Variants in AP4S1 observed in about 807,000 individuals in gnomAD.
AP4S1 encodes the protein adaptor related protein complex 4 subunit sigma 1.
In AP4S1, 23 loss-of-function variants were observed where a neutral mutation model predicts 19.8. That is an observed-to-expected ratio of 1.16 (90% CI 0.84 to 1.65). The LOEUF (loss-of-function observed/expected upper bound fraction) is 1.65, where lower values mean the gene tolerates loss of function less well. Among genes scored for constraint, AP4S1 ranks in the 40% most tolerant of loss-of-function variants. The pLI is 0.00. For synonymous variants in AP4S1, 46 were observed against 54.1 expected (o/e 0.85, Z 0.66); for missense variants, 166 against 172.8 (o/e 0.96, Z 0.22).
intron 4 of AP4S1, among the ~76,000 whole-genome samples, chr14:31,076,538 A>C (rs1468014450): frequency 6.6e-6 from 1 of 152,172 alleles, no homozygotes; most frequent in Non-Finnish European, 1.5e-5. Flanking sequence ...GAGTTGCAGG[A>C]GTTCTTTATA....
chr14:31,074,672 C>CAAAT (rs1022938768), intron 4 of AP4S1, among the ~76,000 whole-genome samples: 6 of 151,948 alleles, frequency 3.9e-5, no homozygotes, highest in South Asian at 2.1e-4. Context: ...GACTCCGTCT[C>CAAAT]AAATAAATAA....
intron 5 of AP4S1, chr14:31,085,121 C>T: frequency 7.6e-7 from 1 of 1,316,956 alleles, no homozygotes; most frequent in Non-Finnish European, 9.7e-7. Flanking sequence ...CTAGAAGGCC[C>T]ATTCTATGTC....
chr14:31,093,517 C>G lies in AP4S1; in HGVS notation c.*482C>G, dbSNP rs1161031436. 3 of 152,124 alleles carry G rather than the reference C, an allele frequency of 2.0e-5. No homozygotes were observed. Among genetic ancestry groups the G allele is most frequent in the Non-Finnish European group, 4.4e-5 (3 of 68,954 alleles). 9.4% of individuals were successfully genotyped at this position (152,124 alleles called of 1,614,324 possible). On this transcript the variant is annotated 3_prime_UTR_variant, in exon 6 of 6. Coordinates refer to ENST00000542754, the MANE Select transcript of AP4S1 (RefSeq NM_001128126.3). ...GTCTAGCTGTGTCACCTGGCACATT[C>G]TCGGCTCACTGCAACCTCCACTTCC...
At chr14:31,033,241 T>C (rs1273327682) in intron 1 of AP4S1, among the ~76,000 whole-genome samples, 1 of 151,584 alleles carries the variant, frequency 6.6e-6, no homozygotes, top group Non-Finnish European at 1.5e-5. Context: ...TGAGATGGAG[T>C]CTCGCTCTGT....
At position 31,027,678 on chromosome 14, in the gene AP4S1, AG is replaced by A. The variant is rs914294794; in HGVS notation, c.-72+1892del. Among the ~76,000 whole-genome samples, 7 of 152,326 alleles carry A rather than the reference AG, an allele frequency of 4.6e-5. No individual in the cohort carries two copies. The East Asian group carries it at 9.6e-4, about 21-fold the overall frequency. ...CTCCGTGTCGGCAAAAAATTTAAAA[AG>A]TTTGAGGAATGTAACATATACATAA... is the stretch of plus-strand genomic sequence containing the variant. On this transcript the variant is annotated intron_variant, in intron 1 of 5. Transcript: ENST00000542754.
intron 1 of AP4S1, among the ~76,000 whole-genome samples, chr14:31,044,592 C>A (rs1174706794): frequency 1.3e-5 from 2 of 151,800 alleles, no homozygotes; most frequent in Non-Finnish European, 2.9e-5. Flanking sequence ...AAGCAATCCA[C>A]CCACCTCAGC....
chr14:31,027,802 T>C (rs1263147960), intron 1 of AP4S1, among the ~76,000 whole-genome samples: 1 of 152,222 alleles, frequency 6.6e-6, no homozygotes, highest in African/African-American at 2.4e-5. Context: ...TAAAAATTAA[T>C]ATAGCTAAGA....
chr14:31,093,207 G>A lies in AP4S1; in HGVS notation c.*172G>A. ...CAGTTCCTAAAAAGAAAACACAACTGTACTTTAAAATATGTACAAAGAAAA... is the reference window on the plus strand; with the variant it reads ...CAGTTCCTAAAAAGAAAACACAACTATACTTTAAAATATGTACAAAGAAAA... On this transcript the variant is annotated 3_prime_UTR_variant, in exon 6 of 6. Transcript: ENST00000542754. 1.7e-6 allele frequency: 1 copy of A among 581,692 alleles called. No individual in the cohort carries two copies. Among genetic ancestry groups the A allele is most frequent in the Non-Finnish European group, 2.7e-6 (1 of 370,156 alleles). The allele number at this position is 581,692 out of a possible 1,614,324, so 36.0% of individuals were successfully genotyped here.
intron 4 of AP4S1, among the ~76,000 whole-genome samples, chr14:31,080,085 C>T (rs999830893): frequency 2.6e-5 from 4 of 152,016 alleles, no homozygotes; most frequent in African/African-American, 4.8e-5. Flanking sequence ...GGATATGCTA[C>T]GGTTTACTTA....
At chr14:31,033,586 CAT>C (rs758501583) in intron 1 of AP4S1, among the ~76,000 whole-genome samples, 36 of 152,300 alleles carry the variant, frequency 2.4e-4, no homozygotes, top group Admixed American at 7.2e-4. Context: ...GAAGAGCTGA[CAT>C]GTGTTCAGAA....
intron 4 of AP4S1, among the ~76,000 whole-genome samples, chr14:31,074,150 C>A (rs1887215694): frequency 6.6e-6 from 1 of 150,402 alleles, no homozygotes; most frequent in Non-Finnish European, 1.5e-5. Flanking sequence ...AATGGTGAAA[C>A]CCTGTCTCTA....
intron 4 of AP4S1, among the ~76,000 whole-genome samples, chr14:31,079,883 A>G (rs1304682478): frequency 9.2e-6 from 1 of 108,458 alleles, no homozygotes; most frequent in Non-Finnish European, 2.0e-5. Context: ...GAAGAAGATC[A>G]TCAGTAAGCC....
chr14:31,073,384 G>A (rs1412793443), intron 4 of AP4S1, among the ~76,000 whole-genome samples: 10 of 134,416 alleles, frequency 7.4e-5, no homozygotes, highest in Non-Finnish European at 9.9e-5. Context: ...CAGCTACTCC[G>A]GAGGCTGAGG....
rs540941497 is a variant in AP4S1, at chr14:31,033,245, G to A, written c.-72+7458G>A. On this transcript the variant is annotated intron_variant, in intron 1 of 5. Coordinates refer to ENST00000542754, the MANE Select transcript of AP4S1 (RefSeq NM_001128126.3). ...ATTTTTTTTTTTGAGATGGAGTCTC[G>A]CTCTGTCACCCAGGCTGGAGTGCAG... 1.9e-3 allele frequency among the ~76,000 whole-genome samples: 284 copies of A among 151,652 alleles called. 1 individual carries two copies. Among genetic ancestry groups the A allele is most frequent in the African/African-American group, 6.3e-3 (260 of 41,326 alleles).
intron 1 of AP4S1, among the ~76,000 whole-genome samples, chr14:31,048,269 AT>A (rs1311273374): frequency 6.6e-6 from 1 of 151,106 alleles, no homozygotes; most frequent in Non-Finnish European, 1.5e-5. Context: ...AACTTTTTGT[AT>A]TTTGTATTTT....
chr14:31,091,184 C>T (rs1377936137), intron 5 of AP4S1, among the ~76,000 whole-genome samples: 2 of 152,110 alleles, frequency 1.3e-5, no homozygotes, highest in Admixed American at 6.6e-5. Context: ...GCTTGATCCC[C>T]GAACTAATTC....
In AP4S1 at chr14:31,025,797, G is replaced by T; in HGVS notation, c.-72+10G>T. On this transcript the variant is annotated intron_variant, in intron 1 of 5. Transcript: ENST00000542754. ...AACCTGAGCAGCACAGGTAGGTTCC[G>T]CTCGGCCTCCCAAGGCGCCGGCTCC... The T allele has an allele frequency of 2.0e-6, 3 of 1,469,336 alleles. No individual in the cohort carries two copies. Among genetic ancestry groups the T allele is most frequent in the Non-Finnish European group, 2.7e-6 (3 of 1,099,238 alleles). 91.0% of individuals were successfully genotyped at this position (1,469,336 alleles called of 1,614,324 possible).
chr14:31,061,013 C>T (rs1886407949), intron 1 of AP4S1, among the ~76,000 whole-genome samples: 1 of 152,126 alleles, frequency 6.6e-6, no homozygotes, highest in Non-Finnish European at 1.5e-5. Flanking sequence ...CCTCAGCCTC[C>T]TGAGTAGCTG....
chr14:31,051,049 G>A (rs965172172), intron 1 of AP4S1, among the ~76,000 whole-genome samples: 4 of 151,920 alleles, frequency 2.6e-5, no homozygotes, highest in Non-Finnish European at 5.9e-5. Flanking sequence ...GAGCCCAGGA[G>A]TTCAAAACCA....
Sources: gnomAD v4.1 joint callset for allele counts (sites outside exome capture counted in the v4.1 genomes callset) on GRCh38, gnomAD v4.1.1 for gene constraint, MANE v1.5 for transcripts, NCBI Gene and HGNC (gene_info 2026-07-23, HGNC 2026-07-21) for gene names.